Variants in TNKS observed in about 807,000 individuals in gnomAD.
TNKS encodes poly [ADP-ribose] polymerase tankyrase-1.
A neutral mutation model predicts 135.8 loss-of-function variants in TNKS; 72 were observed. That is an observed-to-expected ratio of 0.53 (90% CI 0.44 to 0.64). The LOEUF (loss-of-function observed/expected upper bound fraction) is 0.64, where lower values mean the gene tolerates loss of function less well. TNKS is among the 30% of genes least tolerant of loss of function. The pLI is 0.00. For synonymous variants in TNKS, 849 were observed against 649.3 expected, an observed-to-expected ratio of 1.31 and a Z score of -4.68; for missense variants, 1,769 against 1,674.0, an observed-to-expected ratio of 1.06 and a Z score of -0.99.
chr8:9,604,241 C>T (rs1240699490), intron 2 of TNKS, among the ~76,000 whole-genome samples: 1 of 151,946 alleles, frequency 6.6e-6, no homozygotes. Context: ...GAGATTTCAT[C>T]CCTGTTTTAT....
chr8:9,647,254 A>G (rs1014639345), intron 3 of TNKS, among the ~76,000 whole-genome samples: 1 of 152,226 alleles, frequency 6.6e-6, no homozygotes, highest in African/African-American at 2.4e-5. Context: ...CTGATCATTC[A>G]GTGCCTCTAT....
At chr8:9,721,609 A>C (rs553943677) in intron 12 of TNKS, among the ~76,000 whole-genome samples, 17 of 151,144 alleles carry the variant, frequency 1.1e-4, no homozygotes, top group African/African-American at 4.1e-4. Context: ...ACTTTTTTCT[A>C]CCTACAGTCT....
At chr8:9,730,821 T>C in intron 13 of TNKS, 69 bp from the exon 14 acceptor site, 1 of 1,541,130 alleles carries the variant, frequency 6.5e-7, no homozygotes, top group Non-Finnish European at 8.8e-7. Flanking sequence ...TTGAACTATT[T>C]TGGGGCAAAA....
chr8:9,772,835 G>GTC (rs1350049154), intron 26 of TNKS, among the ~76,000 whole-genome samples: 24 of 130,108 alleles, frequency 1.8e-4, no homozygotes, highest in Non-Finnish European at 2.6e-4. Flanking sequence ...GTGTGTCTGT[G>GTC]TGTGTGTGTG....
intron 3 of TNKS, among the ~76,000 whole-genome samples, chr8:9,643,179 C>A (rs1800784864): frequency 6.8e-6 from 1 of 146,376 alleles, no homozygotes; most frequent in African/African-American, 2.5e-5. Flanking sequence ...TGCCACCTTG[C>A]ACCCATTAGG....
At position 9,575,549 on chromosome 8, in the gene TNKS, A is replaced by C. The variant is rs138062715; in HGVS notation, c.674-4610A>C. 3.9e-4 allele frequency: 183 copies of C among 464,122 alleles called. 1 individual carries two copies. Among genetic ancestry groups the C allele is most frequent in the Non-Finnish European group, 4.8e-4 (168 of 353,322 alleles). 28.8% of individuals were successfully genotyped at this position (464,122 alleles called of 1,614,324 possible). The stretch of plus-strand genomic sequence containing the variant: ...TAGTTACAAGTTATTTAAATATCTA[A>C]ATGTGAAAGAATTATAATCTAGAAG... On this transcript the variant is annotated intron_variant, in intron 1 of 26. Coordinates refer to ENST00000310430, the MANE Select transcript of TNKS (RefSeq NM_003747.3).
intron 13 of TNKS, among the ~76,000 whole-genome samples, chr8:9,727,765 T>C (rs1201964264): frequency 6.6e-6 from 1 of 152,216 alleles, no homozygotes; most frequent in African/African-American, 2.4e-5. Context: ...TTAAGCTCTG[T>C]TGCCTAGAAA....
chr8:9,689,001 C>T (rs1007561537), intron 5 of TNKS, among the ~76,000 whole-genome samples: 4 of 152,164 alleles, frequency 2.6e-5, no homozygotes, highest in African/African-American at 7.2e-5. Context: ...GGTTCCCACC[C>T]TTATGACCTC....
intron 3 of TNKS, among the ~76,000 whole-genome samples, chr8:9,657,788 C>A (rs943409114): frequency 6.6e-6 from 1 of 150,670 alleles, no homozygotes; most frequent in Non-Finnish European, 1.5e-5. Context: ...GCTGACCCCC[C>A]CACCTCCCTC....
chr8:9,605,152 T>C (rs1052122372), intron 2 of TNKS, among the ~76,000 whole-genome samples: 7 of 152,068 alleles, frequency 4.6e-5, no homozygotes, highest in African/African-American at 1.7e-4. Context: ...CTCCAAAAAG[T>C]TGTCTGGTGC....
intron 1 of TNKS, among the ~76,000 whole-genome samples, chr8:9,566,960 A>G (rs1797568496): frequency 6.6e-6 from 1 of 152,156 alleles, no homozygotes; most frequent in African/African-American, 2.4e-5. Flanking sequence ...GCTTTTAAGT[A>G]ATGGTGCCAG....
intron 18 of TNKS, among the ~76,000 whole-genome samples, chr8:9,750,763 C>T (rs1043226935): frequency 2.0e-5 from 3 of 152,240 alleles, no homozygotes; most frequent in Admixed American, 2.0e-4. Context: ...TATTATTTCT[C>T]ACACGTCTGG....
intron 3 of TNKS, among the ~76,000 whole-genome samples, chr8:9,666,011 A>C (rs541110106): frequency 1.3e-5 from 2 of 152,102 alleles, no homozygotes; most frequent in South Asian, 4.2e-4. Context: ...GTGCAAAGTC[A>C]TGCTCTGAAA....
At chr8:9,647,114 C>T (rs1032800911) in intron 3 of TNKS, among the ~76,000 whole-genome samples, 1 of 152,176 alleles carries the variant, frequency 6.6e-6, no homozygotes, top group Non-Finnish European at 1.5e-5. Context: ...AAACCTCCAG[C>T]TTTGTTAAAG....
At chr8:9,561,047 ATGCT>A (rs1205896198) in intron 1 of TNKS, among the ~76,000 whole-genome samples, 1 of 152,218 alleles carries the variant, frequency 6.6e-6, no homozygotes, top group Non-Finnish European at 1.5e-5. Context: ...CAATAGAGAA[ATGCT>A]TACATAAATT....
intron 2 of TNKS, among the ~76,000 whole-genome samples, chr8:9,593,390 G>C (rs566177896): frequency 1.3e-5 from 2 of 152,214 alleles, no homozygotes; most frequent in Non-Finnish European, 2.9e-5. Flanking sequence ...GAGAAATGAA[G>C]GTTCTGTTCA....
At chr8:9,713,018 C>A (rs1563184901) in intron 11 of TNKS, among the ~76,000 whole-genome samples, 1 of 151,852 alleles carries the variant, frequency 6.6e-6, no homozygotes, top group African/African-American at 2.4e-5. Flanking sequence ...CAAAGAAATT[C>A]ATATATATAT....
intron 2 of TNKS, among the ~76,000 whole-genome samples, chr8:9,605,879 C>A (rs1368370990): frequency 6.6e-6 from 1 of 151,956 alleles, no homozygotes; most frequent in Non-Finnish European, 1.5e-5. Context: ...ATATTTTCTT[C>A]TAGATTGTGT....
chr8:9,661,129 A>G (rs1369946589), intron 3 of TNKS, among the ~76,000 whole-genome samples: 1 of 152,040 alleles, frequency 6.6e-6, no homozygotes. Flanking sequence ...GGGTAGGAAG[A>G]ATCAATATCG....
Sources: allele counts gnomAD v4.1 joint callset (sites outside exome capture counted in the v4.1 genomes callset), GRCh38; gene constraint gnomAD v4.1.1; transcripts MANE v1.5; gene names NCBI Gene and HGNC (gene_info 2026-07-23, HGNC 2026-07-21).